Variants in ZNF516 observed in about 807,000 individuals in gnomAD.
The protein encoded by ZNF516 is zinc finger protein 516.
ZNF516 carries 19 observed loss-of-function variants against 79.7 expected under a neutral mutation model. The observed-to-expected ratio is 0.24, with a 90% CI of 0.17 to 0.35. ZNF516 has a LOEUF of 0.35. Among genes scored for constraint, ZNF516 ranks in the 10% least tolerant of loss-of-function variants. The probability of loss-of-function intolerance (pLI) is 1.00; values close to 1 mark genes in which losing one functional copy is unlikely to be tolerated. For synonymous variants in ZNF516, 877 were observed against 739.5 expected, an observed-to-expected ratio of 1.19 and a Z score of -3.02; for missense variants, 1,678 against 1,679.5, an observed-to-expected ratio of 1.00 and a Z score of 0.02.
At position 76,371,580 on chromosome 18, in the gene ZNF516, G is replaced by A; in HGVS notation, c.3260-9C>T. On this transcript the variant is annotated splice_polypyrimidine_tract_variant and intron_variant, in intron 4 of 6. Transcript: ENST00000443185. The stretch of plus-strand genomic sequence containing the variant: ...CTGCGTCCGGAGTGTCCCTGCGGTG[G>A]CGAGGTGGTGGTGGTGGCAGGGCCG... The A allele has an allele frequency of 9.3e-6, 15 of 1,607,114 alleles. No homozygotes were observed. The highest frequency in any genetic ancestry group is 1.3e-5 in the Non-Finnish European group (15 of 1,178,860).
At chr18:76,366,992 C>A (rs909427119) in intron 6 of ZNF516, among the ~76,000 whole-genome samples, 1 of 152,204 alleles carries the variant, frequency 6.6e-6, no homozygotes, top group Admixed American at 6.5e-5. Context: ...TAGATACAGT[C>A]TCTGCCAGGA....
At chr18:76,427,299 A>C (rs2075608006) in intron 3 of ZNF516, among the ~76,000 whole-genome samples, 1 of 152,206 alleles carries the variant, frequency 6.6e-6, no homozygotes, top group South Asian at 2.1e-4. Flanking sequence ...CCTTCACCTC[A>C]TGGGGCTATG....
In ZNF516 at chr18:76,385,501, TGCAGCCAC is replaced by T. The variant is rs150279710; in HGVS notation, c.1811-5206_1811-5199del. The T allele has an allele frequency of 6.6e-3, 1,005 of 152,372 alleles. 9 individuals are homozygous for T. The highest frequency in any genetic ancestry group is 0.023 in the African/African-American group (959 of 41,590). The allele number at this position is 152,372 out of a possible 1,614,324, so 9.4% of individuals were successfully genotyped here. The stretch of plus-strand genomic sequence containing the variant: ...GTAAAATATACATAACAAAAAAGTC[TGCAGCCAC>T]GCAGCCACGCTGAGGCGCTCCCCTT... On this transcript the variant is annotated intron_variant, in intron 3 of 6. Transcript: ENST00000443185.
At chr18:76,479,178 G>A (rs1402836990) in intron 1 of ZNF516, among the ~76,000 whole-genome samples, 3 of 152,134 alleles carry the variant, frequency 2.0e-5, no homozygotes, top group Non-Finnish European at 4.4e-5. Context: ...GATCTTAAGA[G>A]TCACATGACT....
intron 4 of ZNF516, among the ~76,000 whole-genome samples, chr18:76,377,715 A>ATTTTTTTTTT (rs1213742643): frequency 3.0e-5 from 4 of 133,630 alleles, no homozygotes; most frequent in Non-Finnish European, 3.2e-5. Flanking sequence ...TTACAACGTT[A>ATTTTTTTTTT]TTTTTTTTTT....
intron 6 of ZNF516, among the ~76,000 whole-genome samples, chr18:76,368,331 C>T (rs936142135): frequency 1.3e-5 from 2 of 152,020 alleles, no homozygotes; most frequent in African/African-American, 4.8e-5. Flanking sequence ...CCTTAGAGAA[C>T]TCTGCAGAGC....
At chr18:76,390,908 G>C (rs2075063008) in intron 3 of ZNF516, among the ~76,000 whole-genome samples, 1 of 152,130 alleles carries the variant, frequency 6.6e-6, no homozygotes, top group Non-Finnish European at 1.5e-5. Flanking sequence ...CGAAACCTGA[G>C]GCACAAAGCA....
rs533815000 is a variant in ZNF516, at chr18:76,414,399, TATA to T, written c.1810+26843_1810+26845del. ...AAGGGTTTTCATCCCTAAAATGTAA[TATA>T]ATGTCTTACAATTTAGCTGATCACA... On this transcript the variant is annotated intron_variant, in intron 3 of 6. Transcript: ENST00000443185. 2.0e-3 allele frequency among the ~76,000 whole-genome samples: 311 copies of T among 152,376 alleles called. 2 individuals are homozygous for T. Among genetic ancestry groups the T allele is most frequent in the African/African-American group, 6.2e-3 (259 of 41,596 alleles).
chr18:76,442,635 C>A lies in ZNF516; in HGVS notation c.420G>T (p.Leu140=). 1 of 1,593,962 alleles carries A rather than the reference C, an allele frequency of 6.3e-7. No homozygotes were observed. Among genetic ancestry groups the A allele is most frequent in the Non-Finnish European group, 8.5e-7 (1 of 1,176,496 alleles). ...GASQADGARV[L]NGASQADSGR... Reference sequence around the variant, plus strand: ...CGCTGTCGGCCTGCGAGGCCCCGTTCAGGACCCTGGCGCCGTCGGCCTGCG... The same window carrying A: ...CGCTGTCGGCCTGCGAGGCCCCGTTAAGGACCCTGGCGCCGTCGGCCTGCG... The change falls in exon 3 of 7, where the codon CTG becomes CTT. Residue 140 remains leucine (L), a synonymous_variant. Transcript: ENST00000443185.
At chr18:76,458,615 GGCCTCACCGTCGTGCGTGTGCAT>G (rs138977528) in intron 2 of ZNF516, among the ~76,000 whole-genome samples, 9,741 of 151,590 alleles carry the variant, frequency 0.064, 342 homozygotes, top group African/African-American at 0.083. Flanking sequence ...GGCAACGCCA[GGCCTCACCGTCGTGCGTGTGCAT>G]GCCTCACCGT....
intron 2 of ZNF516, among the ~76,000 whole-genome samples, chr18:76,445,112 C>T (rs2848958): frequency 0.54 from 82,707 of 151,792 alleles, 22,745 homozygotes; most frequent in South Asian, 0.67. Flanking sequence ...CAACAATTAG[C>T]CAGGCATGAT....
chr18:76,434,751 G>A (rs955240237), intron 3 of ZNF516, among the ~76,000 whole-genome samples: 11 of 152,226 alleles, frequency 7.2e-5, no homozygotes, highest in African/African-American at 2.2e-4. Context: ...GCTGGAAGCT[G>A]GACACTAACA....
chr18:76,369,440 G>T (rs147899893), intron 6 of ZNF516, among the ~76,000 whole-genome samples: 91 of 152,018 alleles, frequency 6.0e-4, no homozygotes, highest in African/African-American at 2.0e-3. Context: ...AACAAAAACC[G>T]AAATCCCTCA....
chr18:76,369,711 G>A (rs2144925580), intron 6 of ZNF516, among the ~76,000 whole-genome samples: 1 of 152,290 alleles, frequency 6.6e-6, no homozygotes, highest in Middle Eastern at 3.4e-3. Flanking sequence ...CCACCACCCA[G>A]ACACGGCTTG....
chr18:76,392,242 A>G (rs1300100106), intron 3 of ZNF516, among the ~76,000 whole-genome samples: 2 of 152,224 alleles, frequency 1.3e-5, no homozygotes, highest in African/African-American at 4.8e-5. Context: ...ATCTTTTGAC[A>G]TAGGGAAAAA....
At chr18:76,494,832 G>T (rs1160575882) in intron 1 of ZNF516, among the ~76,000 whole-genome samples, 9 of 150,576 alleles carry the variant, frequency 6.0e-5, no homozygotes, top group African/African-American at 2.2e-4. Flanking sequence ...CCTCTTCCGC[G>T]CTCCCACCCC....
At chr18:76,422,184 A>G (rs573265156) in intron 3 of ZNF516, among the ~76,000 whole-genome samples, 2 of 152,348 alleles carry the variant, frequency 1.3e-5, no homozygotes, top group South Asian at 4.1e-4. Context: ...GTGGAGGACA[A>G]GCACTAAATA....
At chr18:76,410,675 T>G (rs1255316019) in intron 3 of ZNF516, among the ~76,000 whole-genome samples, 1 of 152,228 alleles carries the variant, frequency 6.6e-6, no homozygotes, top group Non-Finnish European at 1.5e-5. Flanking sequence ...AAATTTATTT[T>G]GGGAATCAAA....
chr18:76,488,326 C>G, intron 1 of ZNF516: 1 of 904,876 alleles, frequency 1.1e-6, no homozygotes, highest in South Asian at 5.1e-5. Context: ...GGTGCCAATT[C>G]GCAGGCAGCC....
Sources: gnomAD v4.1 joint callset for allele counts (sites outside exome capture counted in the v4.1 genomes callset) on GRCh38, gnomAD v4.1.1 for gene constraint, MANE v1.5 for transcripts, NCBI Gene and HGNC (gene_info 2026-07-23, HGNC 2026-07-21) for gene names.